The following DENND5A variants were observed in gnomAD, a reference collection of about 807,000 sequenced individuals.
DENND5A encodes the protein DENN domain-containing protein 5A.
A neutral mutation model predicts 140.3 loss-of-function variants in DENND5A; 64 were observed. The ratio of observed to expected loss-of-function variants is 0.46; its 90% confidence interval spans 0.37 to 0.56. The LOEUF is 0.56. Ranked by LOEUF, DENND5A falls within the 20% of genes least tolerant of loss-of-function variation. The pLI, the probability that DENND5A is intolerant of heterozygous loss-of-function variation, is 0.00. For missense variants in DENND5A, 1,292 were observed against 1,593.8 expected, an observed-to-expected ratio of 0.81 and a Z score of 3.22; for synonymous variants, 605 against 607.7, an observed-to-expected ratio of 1.00 and a Z score of 0.07.
At chr11:9,241,961 C>T (rs1482754169) in intron 1 of DENND5A, among the ~76,000 whole-genome samples, 1 of 142,752 alleles carries the variant, frequency 7.0e-6, no homozygotes, top group Non-Finnish European at 1.5e-5. Context: ...TTGTGGTGAG[C>T]AGAGATTGCA....
Position 9,185,724 on chromosome 11 carries a change from G to A in DENND5A, c.1138-4640C>T, listed in dbSNP as rs117267653. ...TTTGTGTATCTGTGTGTCTCTGTAC[G>A]TGTCTGTGTCTACGTGTGTGTTGTT... On this transcript the variant is annotated intron_variant, in intron 5 of 22. Transcript: ENST00000328194. Among the ~76,000 whole-genome samples, 305 of 152,148 alleles carry A rather than the reference G, an allele frequency of 2.0e-3. 11 individuals carry two copies. In the East Asian group the frequency reaches 0.05, roughly 25 times the overall value.
intron 1 of DENND5A, among the ~76,000 whole-genome samples, chr11:9,249,697 AC>A (rs1225774769): frequency 6.6e-6 from 1 of 151,900 alleles, no homozygotes; most frequent in Non-Finnish European, 1.5e-5. Context: ...ACAGGCGCCC[AC>A]CACCATGCCT....
At chr11:9,176,856 C>T (rs1040691336) in intron 8 of DENND5A, 49 of 456,202 alleles carry the variant, frequency 1.1e-4, no homozygotes, top group African/African-American at 6.8e-4. Flanking sequence ...TGTTCACTTT[C>T]ACAGCTTCCC....
chr11:9,153,620 A>G lies in DENND5A; in HGVS notation c.2437-1178T>C, dbSNP rs147318284. Among the ~76,000 whole-genome samples the G allele has an allele frequency of 5.9e-3, 898 of 152,270 alleles. 8 individuals carry two copies. Among genetic ancestry groups the G allele is most frequent in the African/African-American group, 0.02 (851 of 41,540 alleles). ...TCTGTTAAGTGGGGGAAACTGTGGTATCTTTGGCTACCTTATAAGTTGTTA... is the reference window on the plus strand; with the variant it reads ...TCTGTTAAGTGGGGGAAACTGTGGTGTCTTTGGCTACCTTATAAGTTGTTA... On this transcript the variant is annotated intron_variant, in intron 12 of 22. Coordinates refer to ENST00000328194, the MANE Select transcript of DENND5A (RefSeq NM_015213.4).
intron 5 of DENND5A, among the ~76,000 whole-genome samples, chr11:9,183,954 G>A (rs1286489629): frequency 6.6e-6 from 1 of 152,056 alleles, no homozygotes; most frequent in East Asian, 1.9e-4. Flanking sequence ...GGGAAGCTGA[G>A]GCAGGAGAAT....
intron 1 of DENND5A, among the ~76,000 whole-genome samples, chr11:9,245,760 A>G (rs1025981512): frequency 6.6e-6 from 1 of 151,896 alleles, no homozygotes. Flanking sequence ...CAGCCTCCCA[A>G]GTAGCTGGGA....
intron 1 of DENND5A, among the ~76,000 whole-genome samples, chr11:9,244,196 T>G (rs1261736586): frequency 6.6e-6 from 1 of 152,180 alleles, no homozygotes; most frequent in East Asian, 1.9e-4. Context: ...TAGCAGATGA[T>G]ACTCCTAAAT....
At chr11:9,245,119 C>T (rs1392310928) in intron 1 of DENND5A, among the ~76,000 whole-genome samples, 1 of 151,652 alleles carries the variant, frequency 6.6e-6, no homozygotes, top group African/African-American at 2.4e-5. Context: ...CCCGTTTCTA[C>T]TAAAAATACA....
intron 1 of DENND5A, among the ~76,000 whole-genome samples, chr11:9,236,490 C>T (rs1851008980): frequency 6.6e-6 from 1 of 151,942 alleles, no homozygotes; most frequent in African/African-American, 2.4e-5. Context: ...CAAAATTGCA[C>T]CACTGCACTC....
At chr11:9,179,192 A>G (rs953355930) in intron 6 of DENND5A, 119 bp from the exon 7 acceptor site, 3 of 830,482 alleles carry the variant, frequency 3.6e-6, no homozygotes, top group Non-Finnish European at 5.6e-6. Flanking sequence ...TTAGCAGGAA[A>G]TGATGAGAAC....
intron 1 of DENND5A, among the ~76,000 whole-genome samples, chr11:9,248,564 G>A (rs568210382): frequency 4.1e-4 from 63 of 152,132 alleles, no homozygotes; most frequent in African/African-American, 1.3e-3. Flanking sequence ...CTGAGTAGGA[G>A]GATGGCTTGA....
intron 11 of DENND5A, among the ~76,000 whole-genome samples, chr11:9,165,002 T>C (rs1005732041): frequency 1.3e-5 from 2 of 152,174 alleles, no homozygotes; most frequent in Non-Finnish European, 2.9e-5. Context: ...CTCTCTGTTG[T>C]TCTTTTTTTT....
At chr11:9,146,910 A>G (rs1847449378) in intron 16 of DENND5A, 120 bp downstream of exon 16, 8 of 1,220,934 alleles carry the variant, frequency 6.6e-6, no homozygotes, top group Non-Finnish European at 9.3e-6. Context: ...CAGAGGCAAA[A>G]GACAAATAGA....
At chr11:9,224,706 A>G (rs1463310090) in intron 1 of DENND5A, among the ~76,000 whole-genome samples, 2 of 151,868 alleles carry the variant, frequency 1.3e-5, no homozygotes, top group African/African-American at 4.8e-5. Context: ...TAAAAATACA[A>G]AAACAGCCGG....
Position 9,256,816 on chromosome 11 carries a change from T to C in DENND5A, c.109+8145A>G, listed in dbSNP as rs559737481. 3.9e-5 allele frequency among the ~76,000 whole-genome samples: 6 copies of C among 152,280 alleles called. No homozygotes were observed. The East Asian group carries it at 5.8e-4, about 15-fold the overall frequency. ...AGTGATTAATACATTTCAAAATGGA[T>C]TGTAGTGTGATTGTAAAACTAATTG... On this transcript the variant is annotated intron_variant, in intron 1 of 22. Coordinates refer to ENST00000328194, the MANE Select transcript of DENND5A (RefSeq NM_015213.4).
intron 11 of DENND5A, among the ~76,000 whole-genome samples, chr11:9,164,056 GTTTTTTTTTTTTTTTTTTTT>G (rs768604681): frequency 2.6e-4 from 15 of 57,980 alleles, no homozygotes; most frequent in Admixed American, 2.6e-4. Context: ...TATTAATCAG[GTTTTTTTTTTTTTTTTTTTT>G]TTTTTTTTTT....
chr11:9,213,505 A>G (rs1355652631), intron 1 of DENND5A, among the ~76,000 whole-genome samples: 1 of 151,690 alleles, frequency 6.6e-6, no homozygotes, highest in African/African-American at 2.4e-5. Flanking sequence ...ATATATTTCA[A>G]GCATTCAAAA....
At chr11:9,197,531 C>T (rs1013144142) in intron 4 of DENND5A, among the ~76,000 whole-genome samples, 4 of 151,336 alleles carry the variant, frequency 2.6e-5, no homozygotes, top group Non-Finnish European at 5.9e-5. Context: ...CCCATCTCTG[C>T]TAAAAATACA....
chr11:9,170,261 G>T (rs1848326728), intron 9 of DENND5A: 7 of 984,030 alleles, frequency 7.1e-6, no homozygotes, highest in Non-Finnish European at 8.4e-6. Flanking sequence ...TAACTAATGA[G>T]TAATTCTGCT....
Sources: gnomAD v4.1 joint callset for allele counts (sites outside exome capture counted in the v4.1 genomes callset) on GRCh38, gnomAD v4.1.1 for gene constraint, MANE v1.5 for transcripts, NCBI Gene and HGNC (gene_info 2026-07-23, HGNC 2026-07-21) for gene names.